Variants in HTR2C observed in about 807,000 individuals in gnomAD.
HTR2C encodes 5-hydroxytryptamine receptor 2C.
In HTR2C, 5 loss-of-function variants were observed where a neutral mutation model predicts 21.0. The ratio of observed to expected loss-of-function variants is 0.24; its 90% CI spans 0.12 to 0.50. The LOEUF (loss-of-function observed/expected upper bound fraction) is 0.50, where lower values mean the gene tolerates loss of function less well. Among genes scored for constraint, HTR2C ranks in the 20% least tolerant of loss-of-function variants. HTR2C has a pLI of 0.98. For missense variants in HTR2C, 271 were observed against 371.2 expected (o/e 0.73, Z 2.22); for synonymous variants, 150 against 145.3 (o/e 1.03, Z -0.23).
At chrX:114,736,616 T>G (rs1398488656) in intron 4 of HTR2C, among the ~76,000 whole-genome samples, 1 of 111,683 alleles carries the variant, frequency 9.0e-6, no homozygotes, top group East Asian at 2.8e-4. Context: ...GAGATTTTAA[T>G]ATACTGTACT....
intron 4 of HTR2C, among the ~76,000 whole-genome samples, chrX:114,736,359 G>A (rs915075311): frequency 9.8e-6 from 1 of 102,243 alleles, no homozygotes; most frequent in South Asian, 4.4e-4. Flanking sequence ...GTAGGTGAAA[G>A]TATACCAAGC....
At chrX:114,863,715 A>G (rs1326321998) in intron 5 of HTR2C, among the ~76,000 whole-genome samples, 1 of 111,151 alleles carries the variant, frequency 9.0e-6, no homozygotes, top group Non-Finnish European at 1.9e-5. Context: ...TGCTTTATTC[A>G]TTGTTATAAG....
chrX:114,643,322 C>A (rs1210118171), intron 2 of HTR2C, among the ~76,000 whole-genome samples: 4 of 110,255 alleles, frequency 3.6e-5, no homozygotes, highest in African/African-American at 9.9e-5. Flanking sequence ...TGATTTGTGT[C>A]TTAGGGGAAA....
intron 1 of HTR2C, among the ~76,000 whole-genome samples, chrX:114,611,688 T>TG (rs1417157291): frequency 2.1e-4 from 23 of 110,639 alleles, no homozygotes; most frequent in African/African-American, 4.7e-4. Flanking sequence ...AGCAAAGTTG[T>TG]GGTTTTTTTT....
At chrX:114,838,671 A>T (rs1241141021) in intron 4 of HTR2C, among the ~76,000 whole-genome samples, 1 of 111,966 alleles carries the variant, frequency 8.9e-6, no homozygotes, top group Non-Finnish European at 1.9e-5. Context: ...TTTCCCCTGA[A>T]AATAAGATTT....
intron 4 of HTR2C, among the ~76,000 whole-genome samples, chrX:114,847,346 C>CA (rs1383534247): frequency 1.0e-5 from 1 of 95,503 alleles, no homozygotes; most frequent in Non-Finnish European, 2.0e-5. Context: ...GACAAAAAAC[C>CA]AAACACTGCA....
At chrX:114,905,183 G>A (rs2071362548) in intron 5 of HTR2C, among the ~76,000 whole-genome samples, 1 of 110,739 alleles carries the variant, frequency 9.0e-6, no homozygotes, top group South Asian at 3.8e-4. Context: ...GGTAGGCATG[G>A]ACCAATACCC....
intron 5 of HTR2C, among the ~76,000 whole-genome samples, chrX:114,850,178 G>T (rs2070905443): frequency 9.0e-6 from 1 of 111,138 alleles, no homozygotes; most frequent in Admixed American, 9.6e-5. Context: ...GGAGGCCGAT[G>T]CAGGCGGATC....
chrX:114,732,779 C>T (rs1556423662), intron 4 of HTR2C, among the ~76,000 whole-genome samples: 2 of 111,181 alleles, frequency 1.8e-5, no homozygotes, highest in Non-Finnish European at 3.8e-5. Context: ...ATACTGTGTT[C>T]TGTGGTGTCT....
At chrX:114,888,798 T>C (rs2071239317) in intron 5 of HTR2C, among the ~76,000 whole-genome samples, 1 of 112,386 alleles carries the variant, frequency 8.9e-6, no homozygotes, top group Non-Finnish European at 1.9e-5. Flanking sequence ...AGTAAATCTG[T>C]GGAGTTCTTC....
intron 2 of HTR2C, among the ~76,000 whole-genome samples, chrX:114,674,379 T>G (rs1275890654): frequency 3.6e-5 from 4 of 112,225 alleles, no homozygotes; most frequent in African/African-American, 6.5e-5. Flanking sequence ...TTAGGGAAAC[T>G]TCTGACCTTA....
chrX:114,674,970 T>G (rs1190533837), intron 2 of HTR2C, among the ~76,000 whole-genome samples: 13 of 112,387 alleles, frequency 1.2e-4, no homozygotes, highest in African/African-American at 4.2e-4. Flanking sequence ...TTATCTAAAC[T>G]TCGAAGAAAT....
intron 4 of HTR2C, among the ~76,000 whole-genome samples, chrX:114,790,595 T>C (rs1602787305): frequency 8.9e-6 from 1 of 111,886 alleles, no homozygotes; most frequent in Non-Finnish European, 1.9e-5. Context: ...TAGACTTTCA[T>C]TCTATTTGTA....
At chrX:114,655,635 G>A (rs998693933) in intron 2 of HTR2C, among the ~76,000 whole-genome samples, 1 of 111,404 alleles carries the variant, frequency 9.0e-6, no homozygotes, top group African/African-American at 3.2e-5. Context: ...GTTAGTAAAT[G>A]ACTTGTCTTC....
At chrX:114,901,165 T>A (rs1260733895) in intron 5 of HTR2C, among the ~76,000 whole-genome samples, 8 of 112,605 alleles carry the variant, frequency 7.1e-5, no homozygotes, top group Non-Finnish European at 1.3e-4. Context: ...TGTTAAAATC[T>A]GAAAGAAATG....
chrX:114,664,616 A>C (rs1218455741), intron 2 of HTR2C, among the ~76,000 whole-genome samples: 4 of 111,992 alleles, frequency 3.6e-5, no homozygotes, highest in African/African-American at 1.3e-4. Flanking sequence ...TATCTAGTCT[A>C]TCATTGACGG....
chrX:114,700,570 G>T (rs782131755), intron 2 of HTR2C, among the ~76,000 whole-genome samples: 1 of 112,079 alleles, frequency 8.9e-6, no homozygotes, highest in Non-Finnish European at 1.9e-5. Flanking sequence ...ATGAAAAAAG[G>T]TCTGGCAACC....
intron 2 of HTR2C, among the ~76,000 whole-genome samples, chrX:114,642,431 A>G (rs1413582956): frequency 1.8e-5 from 2 of 112,014 alleles, no homozygotes; most frequent in Non-Finnish European, 3.8e-5. Flanking sequence ...ATGAAAAAAT[A>G]TGCAATCTAA....
chrX:114,856,504 G>A (rs954343731), intron 5 of HTR2C, among the ~76,000 whole-genome samples: 1 of 102,141 alleles, frequency 9.8e-6, no homozygotes, highest in Non-Finnish European at 2.0e-5. Flanking sequence ...AAAAGAGCCC[G>A]CATCGCCAAG....
Sources: gnomAD v4.1 joint callset for allele counts (sites outside exome capture counted in the v4.1 genomes callset) on GRCh38, gnomAD v4.1.1 for gene constraint, MANE v1.5 for transcripts, NCBI Gene and HGNC (gene_info 2026-07-23, HGNC 2026-07-21) for gene names.